Variants in LMLN observed in about 807,000 individuals in gnomAD.
LMLN encodes the protein leishmanolysin like peptidase.
A neutral mutation model predicts 92.3 loss-of-function variants in LMLN; 70 were observed. That is an observed-to-expected ratio of 0.76 (90% CI 0.63 to 0.92). The LOEUF (loss-of-function observed/expected upper bound fraction) is 0.92, where lower values mean the gene tolerates loss of function less well. Ranked by LOEUF, LMLN falls within the 40% of genes least tolerant of loss-of-function variation. The pLI is 0.00. For missense variants in LMLN, 691 were observed against 814.6 expected, an observed-to-expected ratio of 0.85 and a Z score of 1.85; for synonymous variants, 308 against 296.2, an observed-to-expected ratio of 1.04 and a Z score of -0.41.
chr3:197,993,588 G>C (rs191569054), intron 9 of LMLN, among the ~76,000 whole-genome samples: 3 of 152,106 alleles, frequency 2.0e-5, no homozygotes, highest in Admixed American at 2.0e-4. Context: ...GAAAGAAATT[G>C]ACACAATAAA....
chr3:197,987,158 A>AG (rs1560140364), intron 8 of LMLN, among the ~76,000 whole-genome samples: 7 of 77,626 alleles, frequency 9.0e-5, no homozygotes, highest in African/African-American at 3.5e-4. Context: ...ATATGTTTGA[A>AG]TTTTTTTTTT....
chr3:197,983,990 A>G (rs1721630257), exon 7 of LMLN: 1 of 1,613,938 alleles, frequency 6.2e-7, no homozygotes, highest in African/African-American at 1.3e-5. Flanking sequence ...ATCTCTACCC[A>G]GCCTCAGGAG....
intron 8 of LMLN, among the ~76,000 whole-genome samples, chr3:197,989,240 AT>A (rs1347713237): frequency 6.6e-6 from 1 of 152,094 alleles, no homozygotes; most frequent in African/African-American, 2.4e-5. Flanking sequence ...AGATTCATCA[AT>A]TTTTCATGAA....
chr3:198,020,766 GTATTTTTTTT>G (rs1278399844), intron 12 of LMLN, among the ~76,000 whole-genome samples: 4 of 25,644 alleles, frequency 1.6e-4, no homozygotes, highest in African/African-American at 7.3e-4. Context: ...GCTAATTTTT[GTATTTTTTTT>G]TTTTTTTTTT....
chr3:197,996,858 C>A (rs1167764178), intron 10 of LMLN, among the ~76,000 whole-genome samples: 1 of 152,126 alleles, frequency 6.6e-6, no homozygotes, highest in Non-Finnish European at 1.5e-5. Flanking sequence ...TAGCACACTA[C>A]AGCCTCGAAT....
chr3:197,998,528 T>A (rs1029305058), intron 10 of LMLN, among the ~76,000 whole-genome samples: 2 of 152,222 alleles, frequency 1.3e-5, no homozygotes, highest in African/African-American at 2.4e-5. Context: ...AGTAGTAATT[T>A]CATTAACTTC....
At chr3:197,969,278 T>TA (rs145469369) in intron 1 of LMLN, among the ~76,000 whole-genome samples, 10,457 of 132,346 alleles carry the variant, frequency 0.079, 436 homozygotes, top group African/African-American at 0.11. Flanking sequence ...TATATATATA[T>TA]TTTTTTTAGT....
chr3:197,999,320 C>T (rs1013457665), exon 11 of LMLN: 2 of 1,612,526 alleles, frequency 1.2e-6, no homozygotes, highest in Non-Finnish European at 1.7e-6. Flanking sequence ...TCGAATCACT[C>T]TGGCATTAAT....
At chr3:198,002,422 G>A (rs555849254) in intron 11 of LMLN, among the ~76,000 whole-genome samples, 4 of 152,294 alleles carry the variant, frequency 2.6e-5, no homozygotes, top group Admixed American at 6.5e-5. Context: ...GAGTCACTGC[G>A]CCCAGCTAGG....
At chr3:198,005,943 C>A (rs1470448644) in intron 11 of LMLN, among the ~76,000 whole-genome samples, 2 of 152,130 alleles carry the variant, frequency 1.3e-5, no homozygotes, top group Admixed American at 6.5e-5. Context: ...ATAGTGAAAC[C>A]CCATCTCTAC....
chr3:198,035,315 G>A (rs2109958454), intron 14 of LMLN, among the ~76,000 whole-genome samples: 2 of 150,180 alleles, frequency 1.3e-5, no homozygotes, highest in Middle Eastern at 3.5e-3. Flanking sequence ...AAGAACTCCT[G>A]CCACACAGAG....
rs1056438300 is a variant in LMLN at position 198,031,238 on chromosome 3, C to T, written c.1657-4595C>T. Among the ~76,000 whole-genome samples the T allele has an allele frequency of 3.3e-5, 5 of 152,124 alleles. No individual in the cohort carries two copies. Among genetic ancestry groups the T allele is most frequent in the East Asian group, 3.8e-4 (2 of 5,204 alleles). On this transcript the variant is annotated intron_variant, in intron 14 of 15. Transcript: ENST00000330198. The surrounding 1 kb of genome is among the most constrained non-coding windows in gnomAD (Gnocchi z 4.8). Reference sequence around the variant, plus strand: ...CAGTTACAGAAAAGTAAAATGTATGCGGAGGCTAAAGGAAGATAAGAATTA... The same window carrying T: ...CAGTTACAGAAAAGTAAAATGTATGTGGAGGCTAAAGGAAGATAAGAATTA...
chr3:197,970,182 A>T (rs13320251), intron 1 of LMLN, among the ~76,000 whole-genome samples: 5,957 of 152,044 alleles, frequency 0.039, 352 homozygotes, highest in African/African-American at 0.13. Flanking sequence ...TAAAATAAAT[A>T]AAAAAAATAA....
chr3:198,019,158 T>C lies in LMLN; in HGVS notation c.1233-95T>C, dbSNP rs1722716003. On this transcript the variant is annotated intron_variant, in intron 11 of 15. Transcript: ENST00000330198. The surrounding 1 kb of genome is among the most constrained non-coding windows in gnomAD (Gnocchi z 5.5). ...TGTTAATTATGAAGGTTTGTATTTT[T>C]AGGCCAGGATCTGGAATTCCATTTG... The C allele has an allele frequency of 3.2e-6, 4 of 1,249,670 alleles. No homozygotes were observed. The highest frequency in any genetic ancestry group is 4.4e-6 in the Non-Finnish European group (4 of 905,448). 77.4% of individuals were successfully genotyped at this position (1,249,670 alleles called of 1,614,324 possible). A position where few individuals can be genotyped will look rare whatever the true frequency, so the allele number is the denominator to read the frequency against.
At chr3:197,995,611 C>T (rs1267272401) in intron 9 of LMLN, among the ~76,000 whole-genome samples, 1 of 151,844 alleles carries the variant, frequency 6.6e-6, no homozygotes, top group African/African-American at 2.4e-5. Context: ...CCAAAGGGTA[C>T]AAAATCACAG....
At position 198,029,091 on chromosome 3, in the gene LMLN, T is replaced by C. The variant is rs1227010222; in HGVS notation, c.1656+4303T>C. Among the ~76,000 whole-genome samples, 3 of 152,356 alleles carry C rather than the reference T, an allele frequency of 2.0e-5. No homozygotes were observed. In the East Asian group the frequency reaches 5.8e-4, roughly 29 times the overall value. ...ATTTCGGCTGTGTTGCTTCCAGCACTGGTCCCAGTCTCTCTAATTAGAAAC... is the reference window on the plus strand; with the variant it reads ...ATTTCGGCTGTGTTGCTTCCAGCACCGGTCCCAGTCTCTCTAATTAGAAAC... On this transcript the variant is annotated intron_variant, in intron 14 of 15. Transcript: ENST00000330198.
chr3:198,020,184 C>T (rs1359155897), intron 12 of LMLN, among the ~76,000 whole-genome samples: 2 of 152,164 alleles, frequency 1.3e-5, no homozygotes, highest in East Asian at 3.9e-4. Context: ...CTAATAGAGA[C>T]AGGGCTTCAC....
chr3:198,015,127 G>T (rs1175074794), intron 11 of LMLN, among the ~76,000 whole-genome samples: 3 of 106,158 alleles, frequency 2.8e-5, no homozygotes, highest in Non-Finnish European at 3.9e-5. Flanking sequence ...TGACTTCTCT[G>T]TACCTTTCAG....
chr3:198,009,367 C>G (rs1305320961), intron 11 of LMLN, among the ~76,000 whole-genome samples: 1 of 152,102 alleles, frequency 6.6e-6, no homozygotes, highest in Non-Finnish European at 1.5e-5. Flanking sequence ...AGTACTGATT[C>G]CTTTATCATT....
Sources: allele counts gnomAD v4.1 joint callset (sites outside exome capture counted in the v4.1 genomes callset), GRCh38; gene constraint gnomAD v4.1.1; non-coding constraint Gnocchi (gnomAD v3.1); transcripts MANE v1.5; gene names NCBI Gene and HGNC (gene_info 2026-07-23, HGNC 2026-07-21).